Variants in CCDC149 observed in about 807,000 individuals in gnomAD.
The protein encoded by CCDC149 is coiled-coil domain-containing protein 149.
Under a neutral mutation model 59.9 loss-of-function variants are expected in CCDC149, and 45 were observed. The observed-to-expected ratio is 0.75, with a 90% CI of 0.59 to 0.96. The LOEUF (loss-of-function observed/expected upper bound fraction) is 0.96. CCDC149 is among the 40% of genes least tolerant of loss of function. CCDC149 has a pLI of 0.00. For missense variants in CCDC149, 584 were observed against 664.7 expected (o/e 0.88, Z 1.33); for synonymous variants, 245 against 260.6 (o/e 0.94, Z 0.58).
chr4:24,917,903 C>T (rs1015482421), upstream of CCDC149, among the ~76,000 whole-genome samples: 7 of 152,084 alleles, frequency 4.6e-5, no homozygotes, highest in East Asian at 1.9e-4. Context: ...GTGCTGCTGA[C>T]GGGTTAGCAG....
chr4:24,930,803 T>C (rs1412095322), intron 1 of CCDC149, among the ~76,000 whole-genome samples: 1 of 152,194 alleles, frequency 6.6e-6, no homozygotes, highest in Non-Finnish European at 1.5e-5. Flanking sequence ...TTAGAAATCA[T>C]GATAAAAAAT....
intron 1 of CCDC149, among the ~76,000 whole-genome samples, chr4:24,925,073 TG>T (rs1722400182): frequency 6.6e-6 from 1 of 152,228 alleles, no homozygotes; most frequent in Non-Finnish European, 1.5e-5. Flanking sequence ...TACAGTTTTT[TG>T]GGTCAATCTT....
chr4:24,959,911 A>G (rs554391205), intron 1 of CCDC149, among the ~76,000 whole-genome samples: 1 of 152,354 alleles, frequency 6.6e-6, no homozygotes, highest in South Asian at 2.1e-4. Context: ...TATTAAAGGA[A>G]GTCCTTCAGG....
chr4:24,911,176 T>C (rs150912729), intron 1 of CCDC149, among the ~76,000 whole-genome samples: 2 of 152,296 alleles, frequency 1.3e-5, no homozygotes, highest in East Asian at 3.9e-4. Context: ...GCACACGGCC[T>C]AGTGAGGAAG....
chr4:24,876,340 C>CACAG (rs1553854702), intron 2 of CCDC149, among the ~76,000 whole-genome samples, 196 bp downstream of exon 2: 32 of 103,292 alleles, frequency 3.1e-4, no homozygotes, highest in South Asian at 1.7e-3. Context: ...CACACACACA[C>CACAG]AGAGAGAGAG....
chr4:24,962,969 T>A, intron 1 of CCDC149, among the ~76,000 whole-genome samples: 1 of 149,182 alleles, frequency 6.7e-6, no homozygotes, highest in Middle Eastern at 3.4e-3. Flanking sequence ...TGTATACCTA[T>A]AAAAACTTAA....
intron 1 of CCDC149, among the ~76,000 whole-genome samples, chr4:24,942,321 A>T (rs1255208241): frequency 6.6e-6 from 1 of 152,234 alleles, no homozygotes; most frequent in African/African-American, 2.4e-5. Flanking sequence ...ATAGATGCAC[A>T]AAAGGCCTTT....
At chr4:24,908,437 C>T (rs1443951990) in intron 1 of CCDC149, among the ~76,000 whole-genome samples, 3 of 151,772 alleles carry the variant, frequency 2.0e-5, no homozygotes, top group Non-Finnish European at 2.9e-5. Context: ...GTGGCTCATG[C>T]CTATAATCCC....
chr4:24,909,344 G>A (rs1250579564), intron 1 of CCDC149, among the ~76,000 whole-genome samples: 1 of 152,092 alleles, frequency 6.6e-6, no homozygotes, highest in Non-Finnish European at 1.5e-5. Context: ...TCTTCCACAG[G>A]TCCTTCTGCC....
intron 7 of CCDC149, 57 bp from the exon 8 acceptor site, chr4:24,835,089 T>C (rs762002319): frequency 5.6e-6 from 7 of 1,245,194 alleles, no homozygotes; most frequent in Non-Finnish European, 8.2e-6. Flanking sequence ...AATGGAAAAG[T>C]ACCTAGCAGA....
chr4:24,870,943 G>A (rs947629338), intron 3 of CCDC149, among the ~76,000 whole-genome samples: 1 of 150,850 alleles, frequency 6.6e-6, no homozygotes, highest in South Asian at 2.1e-4. Flanking sequence ...AACTCGGGGG[G>A]CTAAGGCAGG....
intron 1 of CCDC149, among the ~76,000 whole-genome samples, chr4:24,957,304 T>C (rs1723492788): frequency 6.6e-6 from 1 of 152,226 alleles, no homozygotes; most frequent in Non-Finnish European, 1.5e-5. Context: ...CCCAAACCAG[T>C]AGCACAGATC....
At chr4:24,933,174 G>T (rs1355345965) in intron 1 of CCDC149, among the ~76,000 whole-genome samples, 1 of 152,144 alleles carries the variant, frequency 6.6e-6, no homozygotes, top group Admixed American at 6.5e-5. Context: ...GCCCCTGCTT[G>T]CATGTGCTAT....
At chr4:24,866,587 CATTTCA>C (rs946794893) in intron 3 of CCDC149, among the ~76,000 whole-genome samples, 1 of 152,084 alleles carries the variant, frequency 6.6e-6, no homozygotes, top group Non-Finnish European at 1.5e-5. Flanking sequence ...AAGAAATTTT[CATTTCA>C]ATATCCCACG....
intron 12 of CCDC149, among the ~76,000 whole-genome samples, chr4:24,817,176 CAGGTCCACCCCG>C (rs1169861195): frequency 1.3e-5 from 2 of 152,192 alleles, no homozygotes; most frequent in Non-Finnish European, 1.5e-5. Context: ...TTAGCAGGCC[CAGGTCCACCCCG>C]AGGCTCAGCA....
chr4:24,825,145 T>C (rs541653327), intron 9 of CCDC149, among the ~76,000 whole-genome samples: 3 of 152,256 alleles, frequency 2.0e-5, no homozygotes, highest in South Asian at 4.2e-4. Context: ...TCCAGCTCTG[T>C]AAAGCACTAT....
chr4:24,836,335 C>G, intron 7 of CCDC149, 101 bp downstream of exon 7: 1 of 801,456 alleles, frequency 1.2e-6, no homozygotes, highest in Non-Finnish European at 2.1e-6. Context: ...GGAGGGCAGG[C>G]AAGTACTAAA....
intron 11 of CCDC149, 84 bp downstream of exon 11, chr4:24,820,971 G>T: frequency 1.4e-6 from 1 of 707,650 alleles, no homozygotes; most frequent in Non-Finnish European, 2.0e-6. Flanking sequence ...GGTAGATAAT[G>T]CATTTCTACT....
chr4:24,907,129 A>G (rs1265795135), intron 1 of CCDC149, among the ~76,000 whole-genome samples: 2 of 152,222 alleles, frequency 1.3e-5, no homozygotes, highest in Non-Finnish European at 2.9e-5. Context: ...TAGTTTTCAC[A>G]CACCAGAGTT....
Sources: allele counts gnomAD v4.1 joint callset (sites outside exome capture counted in the v4.1 genomes callset), GRCh38; gene constraint gnomAD v4.1.1; transcripts MANE v1.5; gene names NCBI Gene and HGNC (gene_info 2026-07-23, HGNC 2026-07-21).